The following ANKRD31 variants were observed in gnomAD, a reference collection of about 807,000 sequenced individuals.
ANKRD31 encodes the protein ankyrin repeat domain 31.
In ANKRD31, 147 loss-of-function variants were observed where a neutral mutation model predicts 186.0. The observed-to-expected ratio is 0.79, with a 90% confidence interval of 0.69 to 0.91. ANKRD31 has a LOEUF of 0.91. ANKRD31 is among the 40% of genes least tolerant of loss of function. ANKRD31 has a pLI of 0.00. For synonymous variants in ANKRD31, 673 were observed against 736.4 expected, an observed-to-expected ratio of 0.91 and a Z score of 1.39; for missense variants, 1,986 against 2,148.8, an observed-to-expected ratio of 0.92 and a Z score of 1.50.
intron 25 of ANKRD31, among the ~76,000 whole-genome samples, chr5:75,076,461 C>T (rs896823806): frequency 5.3e-5 from 8 of 152,184 alleles, no homozygotes; most frequent in Non-Finnish European, 1.0e-4. Context: ...GGAAGAGATG[C>T]ATAGGACAAG....
rs148511866 is a variant in ANKRD31, at chr5:75,072,895, G to A, written c.5648-4231C>T. 4.8e-3 allele frequency among the ~76,000 whole-genome samples: 733 copies of A among 152,276 alleles called. 6 individuals carry two copies. Among genetic ancestry groups the A allele is most frequent in the African/African-American group, 0.017 (687 of 41,546 alleles). On this transcript the variant is annotated intron_variant, in intron 25 of 25. Transcript: ENST00000506364. ...TGAATACACACAGAAATATCCATAC[G>A]TTAAGGTATTGGTATTAGGATGTTG...
intron 6 of ANKRD31, 148 bp from the exon 7 acceptor site, chr5:75,196,348 A>G: frequency 1.6e-6 from 1 of 609,260 alleles, no homozygotes; most frequent in Non-Finnish European, 2.5e-6. Context: ...AATAAAGGGA[A>G]TACTCTTTAT....
chr5:75,206,425 T>C lies in ANKRD31; in HGVS notation c.389A>G (p.His130Arg). Residue 130 changes from histidine (H) to arginine (R), a missense_variant, in exon 5 of 26, where the codon CAC (histidine) becomes CGC (arginine). Physicochemically the swap from His to Arg is conservative, Grantham distance 29. Coordinates refer to ENST00000506364, the MANE Select transcript of ANKRD31 (RefSeq NM_001372053.1). The stretch of plus-strand genomic sequence containing the variant: ...TGAAAACATACCTTCAATATTTTGG[T>C]GGTTCAATGAAAGTCCAGACTGGCG... ...SFRQSGLSLN[H>R]QNIEGPEAES... 1 of 1,479,638 alleles carries C rather than the reference T, an allele frequency of 6.8e-7. No homozygotes were observed. Among genetic ancestry groups the C allele is most frequent in the Non-Finnish European group, 8.9e-7 (1 of 1,122,876 alleles). 91.7% of individuals were successfully genotyped at this position (1,479,638 alleles called of 1,614,324 possible).
intron 11 of ANKRD31, among the ~76,000 whole-genome samples, chr5:75,166,735 T>A (rs888704409): frequency 5.9e-5 from 9 of 152,204 alleles, no homozygotes; most frequent in Admixed American, 5.9e-4. Context: ...TAAAGGTTAG[T>A]CTGGCATGAC....
At chr5:75,209,736 A>AT (rs1202490474) in intron 4 of ANKRD31, among the ~76,000 whole-genome samples, 1 of 152,198 alleles carries the variant, frequency 6.6e-6, no homozygotes, top group Non-Finnish European at 1.5e-5. Context: ...CATACTTTCT[A>AT]TTTCATCACA....
At chr5:75,206,378 T>C (rs1400969866) in intron 5 of ANKRD31, 33 bp downstream of exon 5, 3 of 1,314,610 alleles carry the variant, frequency 2.3e-6, no homozygotes, top group Admixed American at 7.1e-5. Context: ...CAAAGACTAA[T>C]TTCCTTTATA....
At chr5:75,223,153 G>GT (rs1757408866) in intron 2 of ANKRD31, among the ~76,000 whole-genome samples, 1 of 152,076 alleles carries the variant, frequency 6.6e-6, no homozygotes, top group Non-Finnish European at 1.5e-5. Flanking sequence ...GCATGAGATG[G>GT]TATCTCCTTG....
In ANKRD31 at chr5:75,195,991, G is replaced by A; in HGVS notation, c.657C>T (p.Thr219=). The change falls in exon 7 of 26, where the codon ACC becomes ACT. Residue 219 remains threonine (T), a synonymous_variant. Coordinates refer to ENST00000506364, the MANE Select transcript of ANKRD31 (RefSeq NM_001372053.1). The stretch of plus-strand genomic sequence containing the variant: ...GTAAACTTTCTAAGGCAGACACAAA[G>A]GTTTCAAGAGAGCTTTCTTCATCCT... ...ETKDEESSLE[T]FVSALESLLT... is the part of the protein sequence containing the mutation. 3 of 1,531,936 alleles carry A rather than the reference G, an allele frequency of 2.0e-6. No individual in the cohort carries two copies. The highest frequency in any genetic ancestry group is 2.6e-6 in the Non-Finnish European group (3 of 1,144,926). The allele number at this position is 1,531,936 out of a possible 1,614,324, so 94.9% of individuals were successfully genotyped here.
chr5:75,164,375 T>C (rs1238538330), intron 11 of ANKRD31, among the ~76,000 whole-genome samples: 1 of 152,202 alleles, frequency 6.6e-6, no homozygotes, highest in Non-Finnish European at 1.5e-5. Context: ...TTAAGTTTTG[T>C]GGTAATTTGT....
chr5:75,181,545 C>T (rs1561512229), intron 10 of ANKRD31, among the ~76,000 whole-genome samples: 1 of 152,032 alleles, frequency 6.6e-6, no homozygotes, highest in Non-Finnish European at 1.5e-5. Context: ...CCATGGAATA[C>T]TATGCAGCCA....
intron 25 of ANKRD31, among the ~76,000 whole-genome samples, chr5:75,070,077 C>T (rs766603795): frequency 5.3e-5 from 8 of 152,038 alleles, no homozygotes; most frequent in Non-Finnish European, 1.0e-4. Context: ...GGGTTGAGGC[C>T]GGTCTGATGT....
At chr5:75,163,484 G>A (rs978818652) in intron 11 of ANKRD31, among the ~76,000 whole-genome samples, 10 of 152,124 alleles carry the variant, frequency 6.6e-5, no homozygotes, top group African/African-American at 2.4e-4. Flanking sequence ...TGCAGCTGAA[G>A]GGAGCTAAGA....
rs776301323 is a variant in ANKRD31 at position 75,091,266 on chromosome 5, T to C, written c.5467A>G (p.Ser1823Gly). The change falls in exon 23 of 26, where the codon AGT becomes GGT. Residue 1823 changes from serine to glycine, a missense_variant. By Grantham distance (56) the Ser-to-Gly change is moderately conservative. Transcript: ENST00000506364. ...TAAACTTAAGAATGACCCACCTTAC[T>C]CCAAGCATAATTCCAGGTCACATAA... is the stretch of plus-strand genomic sequence containing the variant. ...NSYVTWNYAW[S>G]KVTYLGKELL... 17 of 1,535,422 alleles carry C rather than the reference T, an allele frequency of 1.1e-5. No homozygotes were observed. Among genetic ancestry groups the C allele is most frequent in the Middle Eastern group, 1.7e-4 (1 of 5,996 alleles).
intron 21 of ANKRD31, among the ~76,000 whole-genome samples, chr5:75,106,350 T>C (rs1310401929): frequency 6.6e-6 from 1 of 152,120 alleles, no homozygotes; most frequent in Non-Finnish European, 1.5e-5. Context: ...AATATAGATA[T>C]ATCTTGCCTC....
chr5:75,230,971 G>A (rs6870235), intron 1 of ANKRD31, among the ~76,000 whole-genome samples: 23,658 of 152,114 alleles, frequency 0.16, 2,086 homozygotes, highest in African/African-American at 0.24. Context: ...ACCAGTGCTG[G>A]TGGGTTTTTT....
chr5:75,145,842 A>T (rs1045490453), intron 14 of ANKRD31, 145 bp downstream of exon 14: 2 of 629,704 alleles, frequency 3.2e-6, no homozygotes, highest in African/African-American at 3.7e-5. Flanking sequence ...CTTAACTACT[A>T]GGTTTAGTGG....
chr5:75,080,085 G>A lies in ANKRD31; in HGVS notation c.5647+483C>T, dbSNP rs1341710192. Among the ~76,000 whole-genome samples, 7 of 151,744 alleles carry A rather than the reference G, an allele frequency of 4.6e-5. No individual in the cohort carries two copies. The East Asian group carries it at 9.7e-4, about 21-fold the overall frequency. ...CACACTCCAGCCTGTGTGACAGAGCGAGATTCTGTCTAAAAAAAAAAAAGA... is the reference window on the plus strand; with the variant it reads ...CACACTCCAGCCTGTGTGACAGAGCAAGATTCTGTCTAAAAAAAAAAAAGA... On this transcript the variant is annotated intron_variant, in intron 25 of 25. Transcript: ENST00000506364.
intron 5 of ANKRD31, among the ~76,000 whole-genome samples, chr5:75,201,352 C>T (rs887410961): frequency 1.3e-5 from 2 of 152,156 alleles, no homozygotes; most frequent in African/African-American, 4.8e-5. Flanking sequence ...CAAGTGATGA[C>T]ATATTTCATT....
intron 2 of ANKRD31, among the ~76,000 whole-genome samples, chr5:75,224,664 A>T (rs1272683330): frequency 6.6e-6 from 1 of 152,178 alleles, no homozygotes; most frequent in African/African-American, 2.4e-5. Context: ...TTAAAAATAT[A>T]AAAGCTATAA....
Sources: allele counts gnomAD v4.1 joint callset (sites outside exome capture counted in the v4.1 genomes callset), GRCh38; gene constraint gnomAD v4.1.1; transcripts MANE v1.5; gene names NCBI Gene and HGNC (gene_info 2026-07-23, HGNC 2026-07-21).